The following PRMT7 variants were observed in gnomAD, a reference collection of about 807,000 sequenced individuals.
PRMT7 encodes protein arginine N-methyltransferase 7.
PRMT7 carries 75 observed loss-of-function variants against 85.4 expected under a neutral mutation model. That is an observed-to-expected ratio of 0.88 (90% CI 0.73 to 1.06). The LOEUF (loss-of-function observed/expected upper bound fraction) is 1.06, where lower values mean the gene tolerates loss of function less well. Ranked by LOEUF, PRMT7 falls within the 50% of genes least tolerant of loss-of-function variation. PRMT7 has a pLI of 0.00. For synonymous variants in PRMT7, 397 were observed against 359.5 expected (o/e 1.10, Z -1.18); for missense variants, 868 against 915.2 (o/e 0.95, Z 0.67).
chr16:68,311,740 G>C (rs145310207), intron 1 of PRMT7: 1 of 150,464 alleles, frequency 6.6e-6, no homozygotes, highest in South Asian at 2.1e-4. Flanking sequence ...TCTTGGGAAA[G>C]TTGGGGTAAG....
chr16:68,360,849 AAAAT>A (rs2151967834), downstream of PRMT7: 1 of 222,400 alleles, frequency 4.5e-6, no homozygotes, highest in Non-Finnish European at 9.0e-6. Flanking sequence ...GCAGCAGACA[AAAAT>A]AAAGAACCCT....
Position 68,339,947 on chromosome 16 carries a change from C to T in PRMT7, c.906C>T (p.His302=). 1.2e-6 allele frequency: 2 copies of T among 1,613,142 alleles called. No homozygotes were observed. Among genetic ancestry groups the T allele is most frequent in the Non-Finnish European group, 1.7e-6 (2 of 1,179,640 alleles). Residue 302 remains histidine, a synonymous_variant, in exon 9 of 19, where the codon CAC becomes CAT. Transcript: ENST00000441236. ...GCACCATGGCCCCCTTCTGGGCACACTCAGACCCAGAGGAGATGCAGGTAA... is the reference window on the plus strand; with the variant it reads ...GCACCATGGCCCCCTTCTGGGCACATTCAGACCCAGAGGAGATGCAGGTAA... The part of the protein sequence containing the change: ...IKCTMAPFWA[H]SDPEEMQWRD...
Position 68,357,369 on chromosome 16 carries a change from T to G in PRMT7, c.*145T>G. ...AAAGACTGCGCCGTGTTGCATCTTGTTGCATCTTTGCACTGCTGGCCTCTG... is the reference window on the plus strand; with the variant it reads ...AAAGACTGCGCCGTGTTGCATCTTGGTGCATCTTTGCACTGCTGGCCTCTG... On this transcript the variant is annotated 3_prime_UTR_variant, in exon 19 of 19. Transcript: ENST00000441236. The G allele has an allele frequency of 1.2e-6, 1 of 844,692 alleles. No homozygotes were observed. Among genetic ancestry groups the G allele is most frequent in the Non-Finnish European group, 1.8e-6 (1 of 559,728 alleles). 52.3% of individuals were successfully genotyped at this position (844,692 alleles called of 1,614,324 possible). A position where few individuals can be genotyped will look rare whatever the true frequency, so the allele number is the denominator to read the frequency against.
chr16:68,318,405 TAGCC>T (rs2082123517), intron 3 of PRMT7, among the ~76,000 whole-genome samples: 3 of 152,288 alleles, frequency 2.0e-5, no homozygotes, highest in South Asian at 4.1e-4. Flanking sequence ...TTCACCGTGT[TAGCC>T]AGGATGATCT....
chr16:68,317,490 C>T (rs79654124), intron 3 of PRMT7, among the ~76,000 whole-genome samples: 1,637 of 152,116 alleles, frequency 0.011, 32 homozygotes, highest in African/African-American at 0.038. Flanking sequence ...ATTGCTTATG[C>T]CCACGAGTTC....
intron 6 of PRMT7, among the ~76,000 whole-genome samples, chr16:68,336,059 G>A (rs1203822900): frequency 2.0e-5 from 3 of 152,162 alleles, no homozygotes; most frequent in Non-Finnish European, 4.4e-5. Flanking sequence ...TTACAGGCGG[G>A]AGCCACCGCG....
At position 68,355,745 on chromosome 16, in the gene PRMT7, G is replaced by A; in HGVS notation, c.1673G>A (p.Ser558Asn). ...CAGCGTGCCCTGGACTTCAGGGAGA[G>A]CAGGGAAGCTGAGCCCCACCCGCTG... ...MIKRALDFRE[S>N]REAEPHPLWE... Residue 558 changes from serine to asparagine, a missense_variant, in exon 17 of 19, where the codon AGC becomes AAC. By Grantham distance (46) the Ser-to-Asn change is conservative. Transcript: ENST00000441236. The A allele has an allele frequency of 6.2e-7, 1 of 1,606,578 alleles. No individual in the cohort carries two copies. The highest frequency in any genetic ancestry group is 8.5e-7 in the Non-Finnish European group (1 of 1,176,022).
chr16:68,349,750 C>T (rs906592876), intron 14 of PRMT7, among the ~76,000 whole-genome samples: 2 of 151,940 alleles, frequency 1.3e-5, no homozygotes, highest in Non-Finnish European at 2.9e-5. Flanking sequence ...AAAAATTAAC[C>T]GAGTGTGGTG....
chr16:68,327,777 G>A (rs894645044), intron 5 of PRMT7, among the ~76,000 whole-genome samples: 2 of 151,842 alleles, frequency 1.3e-5, no homozygotes, highest in Non-Finnish European at 2.9e-5. Context: ...GCAAAACCCC[G>A]CCTCTACAAA....
Position 68,324,716 on chromosome 16 carries a change from G to T in PRMT7, c.166G>T (p.Val56Leu), listed in dbSNP as rs201398485. Reference sequence around the variant, plus strand: ...ATACTACCAAGGTATCCGGGCTGCCGTGAGCAGGGTGAAGGACAGAGGACA... The same window carrying T: ...ATACTACCAAGGTATCCGGGCTGCCTTGAGCAGGGTGAAGGACAGAGGACA... The part of the protein sequence containing the change: ...VKYYQGIRAA[V>L]SRVKDRGQKA... The change falls in exon 5 of 19, where the codon GTG becomes TTG. Residue 56 changes from valine to leucine, a missense_variant. Physicochemically the swap from Val to Leu is conservative, Grantham distance 32. Coordinates refer to ENST00000441236, the MANE Select transcript of PRMT7 (RefSeq NM_019023.5). The T allele has an allele frequency of 1.9e-6, 3 of 1,614,134 alleles. No individual in the cohort carries two copies. The highest frequency in any genetic ancestry group is 1.7e-6 in the Non-Finnish European group (2 of 1,180,034).
chr16:68,311,192 A>G (rs2043585697), intron 1 of PRMT7, 93 bp downstream of exon 1: 2 of 582,098 alleles, frequency 3.4e-6, no homozygotes, highest in Non-Finnish European at 6.3e-6. Flanking sequence ...TCGGCAGAGG[A>G]GCCTAGCGTG....
intron 3 of PRMT7, among the ~76,000 whole-genome samples, chr16:68,318,222 CAG>C (rs1354421424): frequency 2.9e-5 from 4 of 136,928 alleles, no homozygotes; most frequent in Admixed American, 7.7e-5. Flanking sequence ...TTTTTTGAGA[CAG>C]AGTCTCGCTC....
rs773788311 is a variant in PRMT7, at chr16:68,321,413, T to C, written c.96-13T>C. On this transcript the variant is annotated splice_polypyrimidine_tract_variant and intron_variant, in intron 3 of 18. Coordinates refer to ENST00000441236, the MANE Select transcript of PRMT7 (RefSeq NM_019023.5). Reference sequence around the variant, plus strand: ...TGTATCATGCAAAGGTTACTGACTTTTTTGTTTTTTAGGTCATCTTATGCA... The same window carrying C: ...TGTATCATGCAAAGGTTACTGACTTCTTTGTTTTTTAGGTCATCTTATGCA... 2 of 1,602,162 alleles carry C rather than the reference T, an allele frequency of 1.2e-6. No homozygotes were observed. Among genetic ancestry groups the C allele is most frequent in the Admixed American group, 3.4e-5 (2 of 59,522 alleles).
intron 2 of PRMT7, among the ~76,000 whole-genome samples, chr16:68,312,498 A>C (rs944640149): frequency 5.9e-5 from 9 of 152,026 alleles, no homozygotes; most frequent in African/African-American, 2.2e-4. Context: ...GGCCCCTCAC[A>C]GTGCTGGGAT....
intron 15 of PRMT7, 93 bp from the exon 16 acceptor site, chr16:68,353,399 G>C: frequency 6.3e-7 from 1 of 1,589,238 alleles, no homozygotes; most frequent in Non-Finnish European, 8.5e-7. Context: ...TTTCAGGTGT[G>C]CAGGGAACAG....
Position 68,355,842 on chromosome 16 carries a change from C to G in PRMT7, c.1770C>G (p.Pro590=), listed in dbSNP as rs969632387. 6.2e-7 allele frequency: 1 copy of G among 1,608,604 alleles called. No homozygotes were observed. Among genetic ancestry groups the G allele is most frequent in the Non-Finnish European group, 8.5e-7 (1 of 1,179,234 alleles). The change falls in exon 17 of 19, where the codon CCC becomes CCG. Residue 590 remains proline (P), a synonymous_variant. Transcript: ENST00000441236. ...CCTTTGACTTCCAGCAGCCGGTGCC[C>G]CTGCAGCCCCTGTGTGCCGAGGGCA... ...ILTFDFQQPV[P]LQPLCAEGTV...
rs1567643836 is a variant in PRMT7 at position 68,321,455 on chromosome 16, AAGAC to A, written c.129_132del (p.Asp43GlufsTer3). 4 of 1,609,122 alleles carry A rather than the reference AAGAC, an allele frequency of 2.5e-6. No homozygotes were observed. The highest frequency in any genetic ancestry group is 3.4e-6 in the Non-Finnish European group (4 of 1,176,596). ...TCTTATGCAGATATGCTACATGACA[AAGAC>A]AGAGTAAGTGTAAAAGGAAACTATT... On this transcript the variant is annotated frameshift_variant, in exon 4 of 19. Coordinates refer to ENST00000441236, the MANE Select transcript of PRMT7 (RefSeq NM_019023.5). LOFTEE classifies it high-confidence loss of function.
chr16:68,346,485 C>A (rs541436743), intron 11 of PRMT7, among the ~76,000 whole-genome samples: 2 of 152,270 alleles, frequency 1.3e-5, no homozygotes, highest in African/African-American at 4.8e-5. Context: ...GCTCTCTGCT[C>A]TACTGGGAGA....
At chr16:68,316,139 G>A (rs1567627641) in intron 3 of PRMT7, 65 bp downstream of exon 3, 1 of 1,395,212 alleles carries the variant, frequency 7.2e-7, no homozygotes, top group Non-Finnish European at 1.0e-6. Context: ...CAGATGCCTT[G>A]GGCTCCAGTC....
Sources: gnomAD v4.1 joint callset for allele counts (sites outside exome capture counted in the v4.1 genomes callset) on GRCh38, gnomAD v4.1.1 for gene constraint, MANE v1.5 for transcripts, NCBI Gene and HGNC (gene_info 2026-07-23, HGNC 2026-07-21) for gene names.